Variants in GBX1 observed in about 807,000 individuals in gnomAD.
The protein encoded by GBX1 is homeobox protein GBX-1.
A neutral mutation model predicts 22.9 loss-of-function variants in GBX1; 9 were observed. The ratio of observed to expected loss-of-function variants is 0.39; its 90% CI spans 0.24 to 0.69. GBX1 has a LOEUF of 0.69. Ranked by LOEUF, GBX1 falls within the 30% of genes least tolerant of loss-of-function variation. The pLI is 0.43. For synonymous variants in GBX1, 203 were observed against 227.3 expected, an observed-to-expected ratio of 0.89 and a Z score of 0.96; for missense variants, 494 against 509.2, an observed-to-expected ratio of 0.97 and a Z score of 0.29.
At chr7:151,151,653 TCACAACC>T (rs987249938) in intron 1 of GBX1, among the ~76,000 whole-genome samples, 5 of 152,174 alleles carry the variant, frequency 3.3e-5, no homozygotes, top group African/African-American at 1.2e-4. Context: ...CTCCTCTCTC[TCACAACC>T]CACATCCAGT....
At chr7:151,150,186 A>G (rs756800487) in intron 1 of GBX1, among the ~76,000 whole-genome samples, 1 of 152,262 alleles carries the variant, frequency 6.6e-6, no homozygotes, top group Non-Finnish European at 1.5e-5. Context: ...ACTTAATTCA[A>G]CCATTGGTTT....
intron 1 of GBX1, among the ~76,000 whole-genome samples, chr7:151,155,837 GGTA>G (rs1195605176): frequency 1.3e-5 from 2 of 152,088 alleles, no homozygotes; most frequent in African/African-American, 4.8e-5. Flanking sequence ...TAATAGGAGA[GGTA>G]GTAACCTTAT....
chr7:151,150,326 C>G (rs1361394761), intron 1 of GBX1, among the ~76,000 whole-genome samples: 1 of 152,166 alleles, frequency 6.6e-6, no homozygotes, highest in African/African-American at 2.4e-5. Context: ...AAAAGACAAT[C>G]AATAGGCAGG....
At chr7:151,165,817 A>G (rs1268557527) in intron 1 of GBX1, among the ~76,000 whole-genome samples, 2 of 152,346 alleles carry the variant, frequency 1.3e-5, no homozygotes, top group East Asian at 3.9e-4. Context: ...CCTTTGGACA[A>G]TGTCAGAAAG....
In GBX1 at chr7:151,167,324, CG is replaced by C; in HGVS notation, c.224del (p.Pro75ArgfsTer2). 6.6e-7 allele frequency: 1 copy of C among 1,519,304 alleles called. No homozygotes were observed. The allele number at this position is 1,519,304 out of a possible 1,614,324, so 94.1% of individuals were successfully genotyped here. On this transcript the variant is annotated frameshift_variant, in exon 1 of 2. Transcript: ENST00000297537. LOFTEE classifies it high-confidence loss of function. This position sits in a 1 kb window ranked among gnomAD's most constrained non-coding sequence, Gnocchi z 5.9. ...PLPAGLPPLA[P>X]LASFAGRLTN... ...TAAGGCGGCCGGCGAAAGAGGCTAG[CG>C]GGGCGAGGGGCGGGAGGCCAGCGGG...
rs1396687183 is a variant in GBX1 at position 151,167,166 on chromosome 7, G to A, written c.383C>T (p.Ala128Val). Residue 128 changes from alanine to valine, a missense_variant, in exon 1 of 2, where the codon GCC becomes GTC. Coordinates refer to ENST00000297537, the MANE Select transcript of GBX1 (RefSeq NM_001098834.3). The surrounding 1 kb of genome is among the most constrained non-coding windows in gnomAD (Gnocchi z 5.9). ...PQELAAAAAA[A>V]AATAARNNPE... is the part of the protein sequence containing the mutation. ...GTTGTTTCGGGCGGCAGTGGCGGCG[G>A]CGGCGGCAGCGGCGGCGGCGAGCTC... 2 of 1,581,378 alleles carry A rather than the reference G, an allele frequency of 1.3e-6. No individual in the cohort carries two copies. The highest frequency in any genetic ancestry group is 2.3e-5 in the East Asian group (1 of 43,232).
intron 1 of GBX1, among the ~76,000 whole-genome samples, chr7:151,160,028 A>C (rs888058417): frequency 3.3e-5 from 5 of 152,226 alleles, no homozygotes; most frequent in Non-Finnish European, 7.4e-5. Context: ...CATGACTACA[A>C]CACCACTGAA....
chr7:151,167,415 C>T lies in GBX1; in HGVS notation c.134G>A (p.Gly45Asp), dbSNP rs1290151283. The T allele has an allele frequency of 6.6e-7, 1 of 1,519,744 alleles. No individual in the cohort carries two copies. The highest frequency in any genetic ancestry group is 8.8e-7 in the Non-Finnish European group (1 of 1,135,158). The allele number at this position is 1,519,744 out of a possible 1,614,324, so 94.1% of individuals were successfully genotyped here. ...CCGGTAGGGCATGAACATGGGGTAG[C>T]CGGTGTACAGCAAGTGGCCGGAGCG... ...PPRSGHLLYT[G>D]YPMFMPYRPL... Residue 45 changes from glycine (G) to aspartate (D), a missense_variant, in exon 1 of 2, where the codon GGC becomes GAC. Gly to Asp is a moderately conservative substitution (Grantham distance 94). Coordinates refer to ENST00000297537, the MANE Select transcript of GBX1 (RefSeq NM_001098834.3). This position sits in a 1 kb window ranked among gnomAD's most constrained non-coding sequence, Gnocchi z 5.9.
At chr7:151,166,917 CAGGTGCCG>C (rs1167566073) in intron 1 of GBX1, 86 bp downstream of exon 1, 16 of 1,261,998 alleles carry the variant, frequency 1.3e-5, no homozygotes, top group East Asian at 7.2e-5. Flanking sequence ...AGGCTCCAGG[CAGGTGCCG>C]AGGTGCCGAG....
In GBX1 at chr7:151,166,931, C is replaced by T. The variant is rs560672553; in HGVS notation, c.538+80G>A. ...AAGGCTCCAGGCAGGTGCCGAGGTG[C>T]CGAGGTTCCGAGCAGGTTCCTGTCT... is the stretch of plus-strand genomic sequence containing the variant. On this transcript the variant is annotated intron_variant, in intron 1 of 1. Transcript: ENST00000297537. 353 of 1,442,150 alleles carry T rather than the reference C, an allele frequency of 2.4e-4. 2 individuals carry two copies. The Middle Eastern group carries it at 7.6e-3, about 31-fold the overall frequency. The allele number at this position is 1,442,150 out of a possible 1,614,324, so 89.3% of individuals were successfully genotyped here. A position where few individuals can be genotyped will look rare whatever the true frequency, so the allele number is the denominator to read the frequency against.
intron 1 of GBX1, among the ~76,000 whole-genome samples, chr7:151,161,413 A>G (rs754529591): frequency 1.6e-4 from 24 of 152,162 alleles, no homozygotes; most frequent in Non-Finnish European, 3.2e-4. Flanking sequence ...TCCTCCTAAT[A>G]AAATTTTCCT....
In GBX1 at chr7:151,148,904, C is replaced by A. The variant is rs1414247373; in HGVS notation, c.777G>T (p.Gly259=). The A allele has an allele frequency of 5.0e-6, 8 of 1,614,090 alleles. No homozygotes were observed. The highest frequency in any genetic ancestry group is 6.8e-6 in the Non-Finnish European group (8 of 1,180,010). Residue 259 remains glycine (G), a synonymous_variant, in exon 2 of 2, where the codon GGG becomes GGT. Transcript: ENST00000297537. The surrounding 1 kb of genome is among the most constrained non-coding windows in gnomAD (Gnocchi z 5.1). ...ATGCTGTGCGGCGCCGTCGGCTTTT[C>A]CCCCCAGGAGCTGTGACCCCTGCTG... ...PVTAGVTAPG[G]KSRRRRTAFT...
intron 1 of GBX1, among the ~76,000 whole-genome samples, chr7:151,165,011 A>ACACT (rs763402891): frequency 4.0e-5 from 6 of 151,756 alleles, no homozygotes; most frequent in African/African-American, 7.3e-5. Context: ...ATACACACAC[A>ACACT]CACTCACTCA....
At chr7:151,166,488 A>ACCC (rs1491154351) in intron 1 of GBX1, among the ~76,000 whole-genome samples, 103 of 50,358 alleles carry the variant, frequency 2.0e-3, no homozygotes, top group Non-Finnish European at 2.0e-3. Flanking sequence ...CCCCCCCCCA[A>ACCC]CACACACACA....
chr7:151,151,121 T>C (rs1482961220), intron 1 of GBX1, among the ~76,000 whole-genome samples: 1 of 152,204 alleles, frequency 6.6e-6, no homozygotes, highest in Non-Finnish European at 1.5e-5. Context: ...GGTGTTTTCA[T>C]CCCTCTCCTT....
At chr7:151,158,348 T>A (rs374574353) in intron 1 of GBX1, among the ~76,000 whole-genome samples, 2 of 152,142 alleles carry the variant, frequency 1.3e-5, no homozygotes, top group South Asian at 4.1e-4. Flanking sequence ...CCCACCTGAG[T>A]GTGAATTAGT....
Position 151,148,817 on chromosome 7 carries a change from C to G in GBX1, c.864G>C (p.Leu288Phe). 6.2e-7 allele frequency: 1 copy of G among 1,614,208 alleles called. No homozygotes were observed. The highest frequency in any genetic ancestry group is 1.3e-5 in the African/African-American group (1 of 75,044). Reference protein sequence around the residue: ...KEFHCKKYLSLTERSQIAHAL... With the variant: ...KEFHCKKYLSFTERSQIAHAL... The stretch of plus-strand genomic sequence containing the variant: ...CGTGGGCGATCTGAGAGCGCTCTGT[C>G]AAGCTCAGGTATTTCTTGCAATGAA... The change falls in exon 2 of 2, where the codon TTG becomes TTC. Residue 288 changes from leucine to phenylalanine, a missense_variant. Coordinates refer to ENST00000297537, the MANE Select transcript of GBX1 (RefSeq NM_001098834.3). This position sits in a 1 kb window ranked among gnomAD's most constrained non-coding sequence, Gnocchi z 5.1.
chr7:151,156,385 C>CACAA (rs1801134327), intron 1 of GBX1, among the ~76,000 whole-genome samples: 1 of 15,926 alleles, frequency 6.3e-5, no homozygotes, highest in Non-Finnish European at 1.3e-4. Context: ...GACCCTGTCT[C>CACAA]AAAAAAAAAA....
chr7:151,152,259 C>A (rs1801088660), intron 1 of GBX1, among the ~76,000 whole-genome samples: 2 of 152,164 alleles, frequency 1.3e-5, no homozygotes, highest in Non-Finnish European at 2.9e-5. Flanking sequence ...CTTTCCTAAG[C>A]CTCTCCGACG....
Sources: allele counts gnomAD v4.1 joint callset (sites outside exome capture counted in the v4.1 genomes callset), GRCh38; gene constraint gnomAD v4.1.1; non-coding constraint Gnocchi (gnomAD v3.1); transcripts MANE v1.5; gene names NCBI Gene and HGNC (gene_info 2026-07-23, HGNC 2026-07-21).